CACNB2: variants seen among roughly 807,000 people sequenced by gnomAD.
The protein encoded by CACNB2 is voltage-dependent L-type calcium channel subunit beta-2.
A neutral mutation model predicts 73.3 loss-of-function variants in CACNB2; 42 were observed. The observed-to-expected ratio is 0.57, with a 90% CI of 0.45 to 0.74. The LOEUF (loss-of-function observed/expected upper bound fraction) is 0.74, where lower values mean the gene tolerates loss of function less well. CACNB2 is among the 30% of genes least tolerant of loss of function. CACNB2 has a pLI of 0.00. For synonymous variants in CACNB2, 348 were observed against 310.3 expected (o/e 1.12, Z -1.28); for missense variants, 940 against 853.0 (o/e 1.10, Z -1.27).
At chr10:18,403,352 A>T (rs1038381182) in intron 3 of CACNB2, among the ~76,000 whole-genome samples, 1 of 152,244 alleles carries the variant, frequency 6.6e-6, no homozygotes, top group Non-Finnish European at 1.5e-5. Context: ...CATTGTAGTT[A>T]ATATAGGTTG....
At chr10:18,430,349 A>T (rs1002032276) in intron 3 of CACNB2, among the ~76,000 whole-genome samples, 1 of 152,002 alleles carries the variant, frequency 6.6e-6, no homozygotes, top group Non-Finnish European at 1.5e-5. Flanking sequence ...AAATACATTT[A>T]TTTTTATCCT....
At chr10:18,168,042 T>A (rs148455190) in intron 2 of CACNB2, among the ~76,000 whole-genome samples, 23 of 152,054 alleles carry the variant, frequency 1.5e-4, no homozygotes, top group African/African-American at 5.5e-4. Flanking sequence ...TGAGTAATCA[T>A]GCAGACATTC....
intron 1 of CACNB2, 23 bp from the exon 2 acceptor site, chr10:18,150,860 T>TTTTTTTTTTTTTTTG: frequency 1.1e-6 from 1 of 893,776 alleles, no homozygotes; most frequent in Non-Finnish European, 1.5e-6. Context: ...TTTGTCTTTT[T>TTTTTTTTTTTTTTTG]TTTTTTTTTT....
chr10:18,422,398 C>A (rs1215627045), intron 3 of CACNB2, among the ~76,000 whole-genome samples: 2 of 152,160 alleles, frequency 1.3e-5, no homozygotes, highest in Non-Finnish European at 2.9e-5. Flanking sequence ...TAAAAAGAAA[C>A]CATTTGCCAT....
intron 2 of CACNB2, among the ~76,000 whole-genome samples, chr10:18,353,437 A>G (rs1330410299): frequency 1.3e-5 from 2 of 152,082 alleles, no homozygotes; most frequent in Non-Finnish European, 2.9e-5. Context: ...ATGATTCTAT[A>G]TGAAACGTAC....
At chr10:18,251,195 T>C (rs2037073298) in intron 2 of CACNB2, among the ~76,000 whole-genome samples, 1 of 152,186 alleles carries the variant, frequency 6.6e-6, no homozygotes, top group South Asian at 2.1e-4. Context: ...GTTCAAATCC[T>C]ATTTCTGCTG....
At position 18,225,703 on chromosome 10, in the gene CACNB2, C is replaced by T. The variant is rs576624378; in HGVS notation, c.213+74728C>T. Among the ~76,000 whole-genome samples, 62 of 151,748 alleles carry T rather than the reference C, an allele frequency of 4.1e-4. 1 individual carries two copies. Among genetic ancestry groups the T allele is most frequent in the Middle Eastern group, 6.8e-3 (2 of 294 alleles). The stretch of plus-strand genomic sequence containing the variant: ...CACCCAGGCTAGAGTGCAGTGGTGC[C>T]ATCATAGCTCACGGCAACCTCCACC... On this transcript the variant is annotated intron_variant, in intron 2 of 13. Coordinates refer to ENST00000324631, the MANE Select transcript of CACNB2 (RefSeq NM_201596.3).
intron 9 of CACNB2, among the ~76,000 whole-genome samples, chr10:18,525,810 GT>G (rs1229750538): frequency 6.6e-6 from 1 of 151,002 alleles, no homozygotes; most frequent in Non-Finnish European, 1.5e-5. Context: ...ACTCTTTTTT[GT>G]TTTACCCTTT....
chr10:18,247,557 A>T (rs962216535), intron 2 of CACNB2, among the ~76,000 whole-genome samples: 4 of 149,804 alleles, frequency 2.7e-5, no homozygotes, highest in African/African-American at 7.4e-5. Context: ...ATCATCTCTT[A>T]AAAAAAAAAT....
At chr10:18,416,326 A>G (rs1255590763) in intron 3 of CACNB2, among the ~76,000 whole-genome samples, 6 of 152,328 alleles carry the variant, frequency 3.9e-5, no homozygotes. Context: ...CATTACATGT[A>G]TAGACCACAT....
At chr10:18,172,925 T>A (rs556657601) in intron 2 of CACNB2, among the ~76,000 whole-genome samples, 6 of 58,932 alleles carry the variant, frequency 1.0e-4, no homozygotes, top group African/African-American at 4.8e-4. Flanking sequence ...TAATAAGGCC[T>A]TTTTTTTTTT....
At chr10:18,412,575 A>G (rs1372123026) in intron 3 of CACNB2, among the ~76,000 whole-genome samples, 1 of 152,172 alleles carries the variant, frequency 6.6e-6, no homozygotes, top group South Asian at 2.1e-4. Context: ...CTGACCTTTT[A>G]TTAAACCTCC....
intron 2 of CACNB2, among the ~76,000 whole-genome samples, chr10:18,352,364 A>T (rs1160350446): frequency 2.0e-5 from 3 of 152,254 alleles, no homozygotes; most frequent in African/African-American, 2.4e-5. Flanking sequence ...GGCTATGAAG[A>T]TAGCACATGT....
chr10:18,375,527 C>T (rs2042761303), intron 2 of CACNB2, among the ~76,000 whole-genome samples: 1 of 152,112 alleles, frequency 6.6e-6, no homozygotes, highest in Non-Finnish European at 1.5e-5. Context: ...TTTATTTTCC[C>T]TGAGTAGCCT....
intron 2 of CACNB2, among the ~76,000 whole-genome samples, chr10:18,196,090 C>T (rs2131289386): frequency 6.6e-6 from 1 of 152,208 alleles, no homozygotes; most frequent in East Asian, 1.9e-4. Flanking sequence ...TCATTTGATC[C>T]ACAACGTATC....
chr10:18,342,325 T>C (rs925269513), intron 2 of CACNB2, among the ~76,000 whole-genome samples: 1 of 152,194 alleles, frequency 6.6e-6, no homozygotes, highest in Non-Finnish European at 1.5e-5. Flanking sequence ...TGACAATCTA[T>C]ATGATATTAA....
intron 2 of CACNB2, among the ~76,000 whole-genome samples, chr10:18,374,095 G>C (rs1320640737): frequency 6.6e-6 from 1 of 152,214 alleles, no homozygotes; most frequent in Non-Finnish European, 1.5e-5. Context: ...GGAAGAAGAA[G>C]CTATACAGTG....
chr10:18,355,692 AGTGGC>A (rs2041879566), intron 2 of CACNB2, among the ~76,000 whole-genome samples: 2 of 149,606 alleles, frequency 1.3e-5, no homozygotes, highest in Non-Finnish European at 3.0e-5. Flanking sequence ...GGTGGAGTAC[AGTGGC>A]GCGATCTCGG....
chr10:18,167,719 G>T lies in CACNB2; in HGVS notation c.213+16744G>T, dbSNP rs146049228. Among the ~76,000 whole-genome samples the T allele has an allele frequency of 2.6e-5, 4 of 152,216 alleles. No homozygotes were observed. In the East Asian group the frequency reaches 5.8e-4, roughly 22 times the overall value. On this transcript the variant is annotated intron_variant, in intron 2 of 13. Transcript: ENST00000324631. ...AGGATAATAATACAGAATGGCGCAG[G>T]GGGTAGCCGTTGGGGGGAGAAGTAG...
Sources: gnomAD v4.1 joint callset for allele counts (sites outside exome capture counted in the v4.1 genomes callset) on GRCh38, gnomAD v4.1.1 for gene constraint, MANE v1.5 for transcripts, NCBI Gene and HGNC (gene_info 2026-07-23, HGNC 2026-07-21) for gene names.